LRBA: variants seen among roughly 807,000 people sequenced by gnomAD.
LRBA encodes LPS responsive beige-like anchor protein.
In LRBA, 176 loss-of-function variants were observed where a neutral mutation model predicts 330.0. That is an observed-to-expected ratio of 0.53 (90% CI 0.47 to 0.60). LRBA has a LOEUF of 0.60. Among genes scored for constraint, LRBA ranks in the 20% least tolerant of loss-of-function variants. The pLI, the probability that LRBA is intolerant of heterozygous loss-of-function variation, is 0.00. For missense variants in LRBA, 3,259 were observed against 3,444.8 expected, an observed-to-expected ratio of 0.95 and a Z score of 1.35; for synonymous variants, 1,230 against 1,193.0, an observed-to-expected ratio of 1.03 and a Z score of -0.64.
intron 36 of LRBA, among the ~76,000 whole-genome samples, chr4:150,693,588 T>TAAAAAAAA (rs1784349478): frequency 2.5e-5 from 2 of 80,564 alleles, no homozygotes; most frequent in Non-Finnish European, 3.3e-5. Context: ...AAAAAAAAAT[T>TAAAAAAAA]GGGCAAGAAA....
At chr4:150,689,072 A>G (rs1783878311) in intron 36 of LRBA, among the ~76,000 whole-genome samples, 1 of 152,218 alleles carries the variant, frequency 6.6e-6, no homozygotes, top group Non-Finnish European at 1.5e-5. Context: ...ATGTCCATCA[A>G]TGTTAGACTG....
rs552056303 is a variant in LRBA at position 150,422,787 on chromosome 4, T to C, written c.7042-7197A>G. The C allele has an allele frequency of 9.1e-5, 132 of 1,452,686 alleles. 2 individuals carry two copies. The South Asian group carries it at 1.5e-3, about 16-fold the overall frequency. 90.0% of individuals were successfully genotyped at this position (1,452,686 alleles called of 1,614,324 possible). ...GCCAGCTGGGCACTGTTCTTTCTGGTAGACCTGCATGTGCTGCGGTTTGCC... is the reference window on the plus strand; with the variant it reads ...GCCAGCTGGGCACTGTTCTTTCTGGCAGACCTGCATGTGCTGCGGTTTGCC... On this transcript the variant is annotated intron_variant, in intron 46 of 56. Coordinates refer to ENST00000651943, the MANE Select transcript of LRBA (RefSeq NM_001364905.1).
chr4:150,944,591 T>C (rs1301310410), intron 2 of LRBA, among the ~76,000 whole-genome samples: 1 of 152,018 alleles, frequency 6.6e-6, no homozygotes, highest in African/African-American at 2.4e-5. Flanking sequence ...AAATAGTTCA[T>C]ATGGCAAGAA....
At chr4:150,864,190 C>T (rs1246452287) in intron 22 of LRBA, among the ~76,000 whole-genome samples, 2 of 152,156 alleles carry the variant, frequency 1.3e-5, no homozygotes, top group Non-Finnish European at 2.9e-5. Context: ...CCCACCTCAA[C>T]CTCCCAAAGT....
chr4:150,798,566 C>A (rs1741132094), intron 33 of LRBA, among the ~76,000 whole-genome samples: 1 of 152,116 alleles, frequency 6.6e-6, no homozygotes, highest in Non-Finnish European at 1.5e-5. Context: ...ATCAAGTTTC[C>A]ATTTTGTTTC....
chr4:150,457,061 T>C (rs972396694), intron 44 of LRBA, among the ~76,000 whole-genome samples: 1 of 152,096 alleles, frequency 6.6e-6, no homozygotes, highest in African/African-American at 2.4e-5. Context: ...CCAGTAAAAC[T>C]ACTGATTTTC....
intron 42 of LRBA, among the ~76,000 whole-genome samples, chr4:150,481,334 C>CT (rs1301216779): frequency 6.6e-6 from 1 of 152,028 alleles, no homozygotes; most frequent in Non-Finnish European, 1.5e-5. Flanking sequence ...TACTGATATC[C>CT]TTTCGTGTGG....
chr4:150,352,718 G>A lies in LRBA; in HGVS notation c.7195-2559C>T, dbSNP rs906958470. Among the ~76,000 whole-genome samples the A allele has an allele frequency of 5.3e-5, 8 of 152,234 alleles. No individual in the cohort carries two copies. In the South Asian group the frequency reaches 8.3e-4, roughly 16 times the overall value. The stretch of plus-strand genomic sequence containing the variant: ...TGCAAGTTACACACAGAAATGATAC[G>A]TTGGTTTCATTAACTTAGACCTTGG... On this transcript the variant is annotated intron_variant, in intron 47 of 56. Coordinates refer to ENST00000651943, the MANE Select transcript of LRBA (RefSeq NM_001364905.1).
intron 36 of LRBA, among the ~76,000 whole-genome samples, chr4:150,717,212 T>C (rs940866787): frequency 6.6e-6 from 1 of 152,208 alleles, no homozygotes; most frequent in Non-Finnish European, 1.5e-5. Flanking sequence ...AGGACTGTTA[T>C]GATAATTTAT....
In LRBA at chr4:150,940,093, G is replaced by C. The variant is rs190835486; in HGVS notation, c.217-11028C>G. On this transcript the variant is annotated intron_variant, in intron 2 of 56. Transcript: ENST00000651943. ...AAACTTAAAAAAAAAAACAAACAAA[G>C]GAATGACTCACATCAAAGTTAGCAA... is the stretch of plus-strand genomic sequence containing the variant. 2.2e-3 allele frequency among the ~76,000 whole-genome samples: 334 copies of C among 151,946 alleles called. 1 individual carries two copies. Among genetic ancestry groups the C allele is most frequent in the African/African-American group, 7.6e-3 (314 of 41,462 alleles).
intron 44 of LRBA, among the ~76,000 whole-genome samples, chr4:150,448,308 A>G (rs1239201195): frequency 1.3e-5 from 2 of 152,248 alleles, no homozygotes; most frequent in Non-Finnish European, 2.9e-5. Context: ...TGTAGAAAGT[A>G]TCAGGGAATG....
intron 36 of LRBA, among the ~76,000 whole-genome samples, chr4:150,721,647 C>T (rs190959739): frequency 1.1e-4 from 16 of 152,184 alleles, no homozygotes; most frequent in South Asian, 4.2e-4. Context: ...CAGAGTATTG[C>T]TCTGTCCCCC....
chr4:150,340,128 G>GT (rs1335912020), intron 48 of LRBA, among the ~76,000 whole-genome samples: 1 of 152,040 alleles, frequency 6.6e-6, no homozygotes, highest in Non-Finnish European at 1.5e-5. Flanking sequence ...ATGGCTGTAA[G>GT]TTCCCTGAGG....
intron 53 of LRBA, among the ~76,000 whole-genome samples, chr4:150,297,610 A>G (rs1387878006): frequency 6.6e-6 from 1 of 152,258 alleles, no homozygotes; most frequent in Non-Finnish European, 1.5e-5. Context: ...ACAAAGGATC[A>G]GATCAAGAGT....
At chr4:150,953,136 T>C (rs1737038887) in intron 2 of LRBA, among the ~76,000 whole-genome samples, 1 of 152,170 alleles carries the variant, frequency 6.6e-6, no homozygotes, top group Non-Finnish European at 1.5e-5. Flanking sequence ...TTCTGTTAGT[T>C]ACAAAATAAC....
At chr4:150,724,253 G>C (rs142886175) in intron 36 of LRBA, among the ~76,000 whole-genome samples, 56 of 152,278 alleles carry the variant, frequency 3.7e-4, no homozygotes, top group African/African-American at 1.3e-3. Flanking sequence ...CCCAGTTGCA[G>C]GTGGCTCAGC....
intron 54 of LRBA, 63 bp downstream of exon 54, chr4:150,285,870 G>C: frequency 2.0e-6 from 2 of 1,019,474 alleles, no homozygotes; most frequent in Non-Finnish European, 2.8e-6. Context: ...ATTAATCTTT[G>C]GTAATTTGTT....
At chr4:150,549,686 A>G (rs1766340251) in intron 40 of LRBA, among the ~76,000 whole-genome samples, 1 of 152,210 alleles carries the variant, frequency 6.6e-6, no homozygotes, top group African/African-American at 2.4e-5. Context: ...AATTATTTTA[A>G]TACTTTTCAA....
At chr4:150,489,255 T>G (rs1362267360) in intron 41 of LRBA, among the ~76,000 whole-genome samples, 1 of 103,684 alleles carries the variant, frequency 9.6e-6, no homozygotes, top group East Asian at 3.0e-4. Context: ...TATAATATAT[T>G]ATATATAAGA....
Sources: gnomAD v4.1 joint callset for allele counts (sites outside exome capture counted in the v4.1 genomes callset) on GRCh38, gnomAD v4.1.1 for gene constraint, MANE v1.5 for transcripts, NCBI Gene and HGNC (gene_info 2026-07-23, HGNC 2026-07-21) for gene names.